The following CAPRIN2 variants were observed in gnomAD, a reference collection of about 807,000 sequenced individuals.
The protein encoded by CAPRIN2 is caprin family member 2, also known as caprin-2.
In CAPRIN2, 66 loss-of-function variants were observed where a neutral mutation model predicts 130.4. The observed-to-expected ratio is 0.51, with a 90% CI of 0.42 to 0.62. The LOEUF is 0.62. Ranked by LOEUF, CAPRIN2 falls within the 20% of genes least tolerant of loss-of-function variation. The pLI is 0.00. For synonymous variants in CAPRIN2, 471 were observed against 444.1 expected, an observed-to-expected ratio of 1.06 and a Z score of -0.76; for missense variants, 1,185 against 1,246.6, an observed-to-expected ratio of 0.95 and a Z score of 0.74.
At chr12:30,714,234 C>A (rs967391105) in intron 14 of CAPRIN2, among the ~76,000 whole-genome samples, 1 of 152,178 alleles carries the variant, frequency 6.6e-6, no homozygotes, top group Non-Finnish European at 1.5e-5. Context: ...CAGGCTGGAG[C>A]ACAGTAGTGA....
chr12:30,743,129 G>A (rs968202794), intron 2 of CAPRIN2, among the ~76,000 whole-genome samples: 7 of 69,172 alleles, frequency 1.0e-4, no homozygotes, highest in South Asian at 4.1e-4. Flanking sequence ...CCCTCCCCCC[G>A]CCCCCGCTTC....
Position 30,746,924 on chromosome 12 carries a change from G to C in CAPRIN2, c.483+4147C>G, listed in dbSNP as rs761521806. ...CAACAGATTTTCAATGTAGATGCAA[G>C]AGTCTCCTATTGGAAGAAAGTGCCA... is the stretch of plus-strand genomic sequence containing the variant. On this transcript the variant is annotated intron_variant, in intron 2 of 16. Coordinates refer to ENST00000298892, the Ensembl canonical transcript of CAPRIN2. Among the ~76,000 whole-genome samples the C allele has an allele frequency of 2.0e-5, 3 of 152,226 alleles. No individual in the cohort carries two copies. The South Asian group carries it at 6.2e-4, about 31-fold the overall frequency.
At chr12:30,736,428 A>G (rs1592179995) in intron 3 of CAPRIN2, among the ~76,000 whole-genome samples, 1 of 151,008 alleles carries the variant, frequency 6.6e-6, no homozygotes, top group South Asian at 2.1e-4. Flanking sequence ...GATTTTTCCT[A>G]TAGATGGGTC....
chr12:30,715,734 A>C (rs1441003195), intron 13 of CAPRIN2: 1 of 197,384 alleles, frequency 5.1e-6, no homozygotes, highest in Non-Finnish European at 1.0e-5. Flanking sequence ...AGGGAGTAAA[A>C]GAAAATGGAT....
chr12:30,734,882 A>T (rs2064020618), intron 4 of CAPRIN2, 86 bp downstream of exon 5: 4 of 686,984 alleles, frequency 5.8e-6, no homozygotes, highest in Middle Eastern at 2.6e-4. Context: ...ACACACACAC[A>T]CACACTCTCT....
intron 2 of CAPRIN2, among the ~76,000 whole-genome samples, chr12:30,742,926 G>A (rs2068200816): frequency 6.6e-6 from 1 of 152,088 alleles, no homozygotes; most frequent in African/African-American, 2.4e-5. Flanking sequence ...AGAATGAGCA[G>A]ATAACATTAC....
intron 2 of CAPRIN2, among the ~76,000 whole-genome samples, chr12:30,749,222 G>A (rs2072403078): frequency 6.6e-6 from 1 of 152,136 alleles, no homozygotes; most frequent in South Asian, 2.1e-4. Flanking sequence ...AGCTAGAATG[G>A]AGCTAGCGAG....
Position 30,729,443 on chromosome 12 carries a change from TTC to T in CAPRIN2, c.1105-120_1105-119del, listed in dbSNP as rs752971713. 8.1e-5 allele frequency: 54 copies of T among 663,076 alleles called. No homozygotes were observed. In the East Asian group the frequency reaches 1.5e-3, roughly 18 times the overall value. The allele number at this position is 663,076 out of a possible 1,614,324, so 41.1% of individuals were successfully genotyped here. On this transcript the variant is annotated intron_variant, in intron 7 of 16. Transcript: ENST00000298892. The stretch of plus-strand genomic sequence containing the variant: ...CTAAGTTGTTGCACTAATATTAAAT[TTC>T]TGTCCTTATTCTACTTGAAAAGACT...
At chr12:30,738,385 C>A (rs2065849578) in intron 3 of CAPRIN2, among the ~76,000 whole-genome samples, 1 of 151,872 alleles carries the variant, frequency 6.6e-6, no homozygotes, top group South Asian at 2.1e-4. Flanking sequence ...TTGGCTCTAC[C>A]ACTTACTGGC....
At chr12:30,739,778 T>C (rs1378369023) in intron 3 of CAPRIN2, among the ~76,000 whole-genome samples, 4 of 151,918 alleles carry the variant, frequency 2.6e-5, no homozygotes, top group Admixed American at 2.6e-4. Flanking sequence ...TCTGTAAAAT[T>C]GGACTATTTA....
At chr12:30,739,622 G>A (rs950618517) in intron 3 of CAPRIN2, among the ~76,000 whole-genome samples, 1 of 151,552 alleles carries the variant, frequency 6.6e-6, no homozygotes, top group African/African-American at 2.4e-5. Context: ...GGCTGAGGCA[G>A]AAGAATCGCG....
chr12:30,735,370 T>C (rs1349987919), intron 3 of CAPRIN2, among the ~76,000 whole-genome samples, 164 bp from the exon 5 acceptor site: 1 of 152,192 alleles, frequency 6.6e-6, no homozygotes, highest in African/African-American at 2.4e-5. Flanking sequence ...AAGAAGTCAC[T>C]GAGTAATAAA....
In CAPRIN2 at chr12:30,753,845, C is replaced by G. The variant is rs1592382450; in HGVS notation, c.-82G>C. 2.8e-6 allele frequency: 4 copies of G among 1,406,616 alleles called. No individual in the cohort carries two copies. In the East Asian group the frequency reaches 6.9e-5, roughly 24 times the overall value. 87.1% of individuals were successfully genotyped at this position (1,406,616 alleles called of 1,614,324 possible). ...AAATCTCCCAATACGGAGGATGTTT[C>G]CAGAAATTCGATTTTCCACATAGGG... is the stretch of plus-strand genomic sequence containing the variant. On this transcript the variant is annotated 5_prime_UTR_variant, in exon 1 of 17. Transcript: ENST00000298892.
chr12:30,732,120 T>C (rs1172936694), intron 5 of CAPRIN2, among the ~76,000 whole-genome samples: 1 of 152,054 alleles, frequency 6.6e-6, no homozygotes, highest in Non-Finnish European at 1.5e-5. Flanking sequence ...AACTACAAAA[T>C]TCCATCATGA....
At chr12:30,754,628 C>T (rs1237483050), upstream of CAPRIN2, 1 of 152,498 alleles carries the variant, frequency 6.6e-6, no homozygotes, top group African/African-American at 2.4e-5. Context: ...CCCGCCCCGC[C>T]CCGGGGATGC....
chr12:30,753,038 A>C (rs1214809416), intron 1 of CAPRIN2, among the ~76,000 whole-genome samples: 1 of 152,244 alleles, frequency 6.6e-6, no homozygotes, highest in Non-Finnish European at 1.5e-5. Flanking sequence ...ATCAGCTATT[A>C]ACACATCTAT....
At chr12:30,751,907 G>GTTTTT (rs1565723364) in intron 1 of CAPRIN2, among the ~76,000 whole-genome samples, 2 of 123,538 alleles carry the variant, frequency 1.6e-5, no homozygotes, top group Non-Finnish European at 3.3e-5. Flanking sequence ...ACCCACTATG[G>GTTTTT]TATTTTTTTT....
chr12:30,752,936 T>C (rs150883545), intron 1 of CAPRIN2, among the ~76,000 whole-genome samples: 119 of 151,954 alleles, frequency 7.8e-4, no homozygotes, highest in African/African-American at 2.8e-3. Context: ...AAACATTTTC[T>C]AGTTCTACTA....
At chr12:30,749,018 T>C (rs1015444546) in intron 2 of CAPRIN2, among the ~76,000 whole-genome samples, 2 of 152,068 alleles carry the variant, frequency 1.3e-5, no homozygotes, top group Admixed American at 1.3e-4. Context: ...GCAGTGTGAA[T>C]GGGGAAGTGG....
Sources: allele counts gnomAD v4.1 joint callset (sites outside exome capture counted in the v4.1 genomes callset), GRCh38; gene constraint gnomAD v4.1.1; transcripts MANE v1.5; gene names NCBI Gene and HGNC (gene_info 2026-07-23, HGNC 2026-07-21).